The following MDGA2 variants were observed in gnomAD, a reference collection of about 807,000 sequenced individuals.
MDGA2 encodes the protein MAM domain containing glycosylphosphatidylinositol anchor 2.
Under a neutral mutation model 117.8 loss-of-function variants are expected in MDGA2, and 40 were observed. That is an observed-to-expected ratio of 0.34 (90% CI 0.26 to 0.44). MDGA2 has a LOEUF of 0.44. MDGA2 is among the 20% of genes least tolerant of loss of function. MDGA2 has a pLI of 1.00. For missense variants in MDGA2, 1,123 were observed against 1,250.6 expected (o/e 0.90, Z 1.54); for synonymous variants, 452 against 439.0 (o/e 1.03, Z -0.37).
intron 2 of MDGA2, among the ~76,000 whole-genome samples, chr14:47,252,637 C>T (rs757824175): frequency 6.6e-6 from 1 of 152,106 alleles, no homozygotes; most frequent in African/African-American, 2.4e-5. Context: ...CAAGTGCTTA[C>T]AGGAGCACAG....
intron 2 of MDGA2, among the ~76,000 whole-genome samples, chr14:47,284,850 C>T (rs1354417120): frequency 2.6e-5 from 4 of 152,036 alleles, no homozygotes. Flanking sequence ...CTGCCTGTAC[C>T]TAGGCAGCTA....
At chr14:46,976,931 T>C (rs1886483581) in intron 8 of MDGA2, among the ~76,000 whole-genome samples, 1 of 151,968 alleles carries the variant, frequency 6.6e-6, no homozygotes, top group Non-Finnish European at 1.5e-5. Context: ...AGTTCATGCC[T>C]TGGAATGTAA....
At chr14:47,645,874 C>G (rs932351792) in intron 1 of MDGA2, among the ~76,000 whole-genome samples, 1 of 151,344 alleles carries the variant, frequency 6.6e-6, no homozygotes, top group Non-Finnish European at 1.5e-5. Context: ...AGATCGAGAC[C>G]ATCCTGGCTA....
At chr14:47,218,861 C>A (rs994450571) in intron 2 of MDGA2, among the ~76,000 whole-genome samples, 1 of 151,948 alleles carries the variant, frequency 6.6e-6, no homozygotes, top group Non-Finnish European at 1.5e-5. Flanking sequence ...TACTAAACTG[C>A]CAAAACATTT....
intron 6 of MDGA2, among the ~76,000 whole-genome samples, chr14:47,069,104 C>T (rs986975662): frequency 6.6e-6 from 1 of 152,130 alleles, no homozygotes; most frequent in Non-Finnish European, 1.5e-5. Context: ...TCCCTCAAAC[C>T]ATTTGTGGCA....
chr14:47,049,382 A>G (rs1889375006), intron 7 of MDGA2, among the ~76,000 whole-genome samples: 1 of 149,916 alleles, frequency 6.7e-6, no homozygotes, highest in South Asian at 2.1e-4. Context: ...TAGTATTTGC[A>G]TATAACCTAT....
intron 1 of MDGA2, among the ~76,000 whole-genome samples, chr14:47,501,394 A>G (rs938524029): frequency 6.6e-6 from 1 of 152,218 alleles, no homozygotes; most frequent in African/African-American, 2.4e-5. Context: ...CTACTAAGAT[A>G]TTTTAGAGCA....
In MDGA2 at chr14:47,643,671, T is replaced by C. The variant is rs76232308; in HGVS notation, c.280+30846A>G. Among the ~76,000 whole-genome samples the C allele has an allele frequency of 6.2e-3, 939 of 152,270 alleles. 12 individuals carry two copies. Among genetic ancestry groups the C allele is most frequent in the African/African-American group, 0.021 (886 of 41,566 alleles). ...AAAGGTCTGCTGTGTACATAAAAAATATCAAGAAGTCATAATTTGACTGAC... is the reference window on the plus strand; with the variant it reads ...AAAGGTCTGCTGTGTACATAAAAAACATCAAGAAGTCATAATTTGACTGAC... On this transcript the variant is annotated intron_variant, in intron 1 of 16. Coordinates refer to ENST00000399232, the MANE Select transcript of MDGA2 (RefSeq NM_001113498.3).
At chr14:47,418,866 G>C (rs1892524614) in intron 1 of MDGA2, among the ~76,000 whole-genome samples, 1 of 152,092 alleles carries the variant, frequency 6.6e-6, no homozygotes, top group African/African-American at 2.4e-5. Context: ...ATTGGAAAGG[G>C]TTTATTTGTT....
At chr14:47,014,594 T>C (rs767688043) in intron 8 of MDGA2, among the ~76,000 whole-genome samples, 2 of 152,196 alleles carry the variant, frequency 1.3e-5, no homozygotes, top group East Asian at 3.9e-4. Context: ...GTTATGGAGA[T>C]GGCTTCTTAC....
chr14:46,957,660 T>TA lies in MDGA2; in HGVS notation c.1820-18dup. 1.2e-6 allele frequency: 2 copies of TA among 1,612,390 alleles called. No homozygotes were observed. Among genetic ancestry groups the TA allele is most frequent in the East Asian group, 4.5e-5 (2 of 44,846 alleles). ...CAGGGGGATCTGTAGAAAAGATATG[T>TA]AAAAACAGATGAAAGATGTGACTTG... is the stretch of plus-strand genomic sequence containing the variant. On this transcript the variant is annotated splice_polypyrimidine_tract_variant and intron_variant, in intron 8 of 16. Transcript: ENST00000399232.
chr14:46,920,059 G>A lies in MDGA2; in HGVS notation c.2191C>T (p.Pro731Ser). The change falls in exon 10 of 17, where the codon CCT becomes TCT. Residue 731 changes from proline (P) to serine (S), a missense_variant. By Grantham distance (74) the Pro-to-Ser change is moderately conservative. Transcript: ENST00000399232. ...SYSLQWTQMN[P>S]DAVDRIVAYR... ...GCAACAATCCGATCCACTGCATCAG[G>A]ATTCATCTGTGTCCACTGTAGACTG... 6.2e-7 allele frequency: 1 copy of A among 1,602,036 alleles called. No individual in the cohort carries two copies. The highest frequency in any genetic ancestry group is 8.5e-7 in the Non-Finnish European group (1 of 1,175,232).
At chr14:47,025,540 T>C (rs934502159) in intron 8 of MDGA2, among the ~76,000 whole-genome samples, 1 of 152,052 alleles carries the variant, frequency 6.6e-6, no homozygotes, top group African/African-American at 2.4e-5. Flanking sequence ...TAGGCAGCAG[T>C]TCTTAACCTG....
At chr14:46,947,187 A>G (rs972428509) in intron 9 of MDGA2, among the ~76,000 whole-genome samples, 2 of 152,060 alleles carry the variant, frequency 1.3e-5, no homozygotes, top group East Asian at 3.9e-4. Flanking sequence ...AATTAATTGT[A>G]CATTTATTTG....
At chr14:46,856,436 C>G (rs1399399848) in intron 14 of MDGA2, among the ~76,000 whole-genome samples, 1 of 152,038 alleles carries the variant, frequency 6.6e-6, no homozygotes, top group Non-Finnish European at 1.5e-5. Flanking sequence ...ACAATTTTCT[C>G]ACTTTCCTCT....
chr14:47,570,203 A>G (rs1480163422), intron 1 of MDGA2, among the ~76,000 whole-genome samples: 1 of 151,700 alleles, frequency 6.6e-6, no homozygotes, highest in Non-Finnish European at 1.5e-5. Flanking sequence ...AAAAGAAAGA[A>G]TGCTTTTCTA....
At chr14:47,146,486 C>T (rs1030880508) in intron 3 of MDGA2, among the ~76,000 whole-genome samples, 1 of 152,108 alleles carries the variant, frequency 6.6e-6, no homozygotes, top group African/African-American at 2.4e-5. Context: ...GCATCATTAT[C>T]ATAAAATGTT....
At chr14:47,128,664 A>T (rs1488990653) in intron 5 of MDGA2, among the ~76,000 whole-genome samples, 1 of 145,164 alleles carries the variant, frequency 6.9e-6, no homozygotes, top group Non-Finnish European at 1.5e-5. Context: ...AAGATTTTAT[A>T]TTTCTATTTT....
chr14:46,891,826 A>G (rs968321929), intron 10 of MDGA2, among the ~76,000 whole-genome samples: 1 of 151,410 alleles, frequency 6.6e-6, no homozygotes, highest in Non-Finnish European at 1.5e-5. Flanking sequence ...GCTTTTTTAT[A>G]ATACTTATAA....
Sources: allele counts gnomAD v4.1 joint callset (sites outside exome capture counted in the v4.1 genomes callset), GRCh38; gene constraint gnomAD v4.1.1; transcripts MANE v1.5; gene names NCBI Gene and HGNC (gene_info 2026-07-23, HGNC 2026-07-21).